Variants in XPA observed in about 807,000 individuals in gnomAD.
XPA encodes DNA repair protein complementing XP-A cells.
XPA carries 27 observed loss-of-function variants against 35.7 expected under a neutral mutation model. The observed-to-expected ratio is 0.76, with a 90% CI of 0.56 to 1.04. XPA has a LOEUF of 1.04. XPA is among the 50% of genes least tolerant of loss of function. XPA has a pLI of 0.00. For synonymous variants in XPA, 133 were observed against 118.4 expected, an observed-to-expected ratio of 1.12 and a Z score of -0.80; for missense variants, 354 against 342.7, an observed-to-expected ratio of 1.03 and a Z score of -0.26.
chr9:97,693,424 A>G (rs1828950707), intron 2 of XPA, among the ~76,000 whole-genome samples: 1 of 152,202 alleles, frequency 6.6e-6, no homozygotes, highest in Admixed American at 6.5e-5. Flanking sequence ...AGCAACCCCT[A>G]AGTACATCAG....
the XPA span, among the ~76,000 whole-genome samples, chr9:97,659,280 G>A: frequency 5.9e-5 from 9 of 152,148 alleles, no homozygotes; most frequent in African/African-American, 2.2e-4. Context: ...TTGATCACTG[G>A]TAGAGTTAGG....
Position 97,675,328 on chromosome 9 carries a change from T to C in XPA, c.*111A>G, listed in dbSNP as rs747368235. The stretch of plus-strand genomic sequence containing the variant: ...ACTGAAGTATTACTTATACAAGGGT[T>C]TCATTCATCTATGAAGATGTTGCTT... On this transcript the variant is annotated 3_prime_UTR_variant, in exon 6 of 6. Transcript: ENST00000375128. 3 of 1,171,440 alleles carry C rather than the reference T, an allele frequency of 2.6e-6. No individual in the cohort carries two copies. Among genetic ancestry groups the C allele is most frequent in the African/African-American group, 1.6e-5 (1 of 63,960 alleles). The allele number at this position is 1,171,440 out of a possible 1,614,324, so 72.6% of individuals were successfully genotyped here. A position where few individuals can be genotyped will look rare whatever the true frequency, so the allele number is the denominator to read the frequency against.
Position 97,685,828 on chromosome 9 carries a change from A to T in XPA, c.556-788T>A, listed in dbSNP as rs551643193. Among the ~76,000 whole-genome samples, 39 of 152,196 alleles carry T rather than the reference A, an allele frequency of 2.6e-4. 1 individual carries two copies. Among genetic ancestry groups the T allele is most frequent in the Admixed American group, 2.5e-3 (38 of 15,278 alleles). ...ACTTAATGGTACTTTAACAACTGTG[A>T]GTCAAAAAGTGGTGCAGAAGAATTG... On this transcript the variant is annotated intron_variant, in intron 4 of 5. Transcript: ENST00000375128.
At chr9:97,692,334 ATTGT>A (rs1402386026) in intron 2 of XPA, among the ~76,000 whole-genome samples, 1 of 152,128 alleles carries the variant, frequency 6.6e-6, no homozygotes, top group Admixed American at 6.5e-5. Context: ...TATGTCATTA[ATTGT>A]TTGTTTCAAA....
In XPA at chr9:97,675,351, CTTTT is replaced by C. The variant is rs750807332; in HGVS notation, c.*84_*87del. On this transcript the variant is annotated 3_prime_UTR_variant, in exon 6 of 6. Transcript: ENST00000375128. ...GTTTCATTCATCTATGAAGATGTTGCTTTTTTTTTTGAATTTTGAAAAGGACCAA... is the reference window on the plus strand; with the variant it reads ...GTTTCATTCATCTATGAAGATGTTGCTTTTTTGAATTTTGAAAAGGACCAA... 5 of 1,109,064 alleles carry C rather than the reference CTTTT, an allele frequency of 4.5e-6. No individual in the cohort carries two copies. In the Admixed American group the frequency reaches 1.5e-4, roughly 33 times the overall value. 68.7% of individuals were successfully genotyped at this position (1,109,064 alleles called of 1,614,324 possible). A position where few individuals can be genotyped will look rare whatever the true frequency, so the allele number is the denominator to read the frequency against.
intron 5 of XPA, chr9:97,676,098 T>A (rs895662347): frequency 6.3e-6 from 1 of 158,134 alleles, no homozygotes; most frequent in Non-Finnish European, 1.4e-5. Flanking sequence ...TTAGAAAAAG[T>A]GCTTGTGCAA....
the XPA span, chr9:97,656,159 G>A: frequency 2.5e-6 from 3 of 1,198,646 alleles, no homozygotes; most frequent in African/African-American, 3.0e-5. Context: ...TGTGATGTGT[G>A]TTCAGAATAT....
chr9:97,665,506 C>A, the XPA span, among the ~76,000 whole-genome samples: 2 of 152,152 alleles, frequency 1.3e-5, no homozygotes. Context: ...CTCAACAGCT[C>A]CATCTGTTCT....
In XPA at chr9:97,685,060, T is replaced by A. The variant is rs748268470; in HGVS notation, c.556-20A>T. The A allele has an allele frequency of 6.2e-7, 1 of 1,601,352 alleles. No homozygotes were observed. The highest frequency in any genetic ancestry group is 1.1e-5 in the South Asian group (1 of 90,702). ...CACAATCTACAACACAAAATCCATA[T>A]TTAAATAAGTTGTGATTCAGACTTG... On this transcript the variant is annotated intron_variant, in intron 4 of 5. Transcript: ENST00000375128.
At chr9:97,683,755 C>T (rs1281642674) in intron 5 of XPA, among the ~76,000 whole-genome samples, 3 of 152,138 alleles carry the variant, frequency 2.0e-5, no homozygotes, top group Non-Finnish European at 4.4e-5. Context: ...AACAAATCCT[C>T]ACAATGAGAA....
intron 2 of XPA, among the ~76,000 whole-genome samples, chr9:97,692,105 A>G (rs1013458438): frequency 6.6e-6 from 1 of 151,664 alleles, no homozygotes; most frequent in African/African-American, 2.4e-5. Context: ...CCAGCTGACC[A>G]ACATGGAGAA....
the XPA span, among the ~76,000 whole-genome samples, chr9:97,657,902 C>T: frequency 1.4e-5 from 1 of 69,482 alleles, no homozygotes; most frequent in African/African-American, 6.5e-5. Flanking sequence ...CTCTCTCTCT[C>T]TCTCTATATA....
the XPA span, chr9:97,664,371 G>A: frequency 2.5e-6 from 4 of 1,612,350 alleles, no homozygotes; most frequent in Admixed American, 1.7e-5. Context: ...AAGATGATTC[G>A]TACACAAATA....
In XPA at chr9:97,687,094, A is replaced by T. The variant is rs1554701478; in HGVS notation, c.555+2T>A. On this transcript the variant is annotated splice_donor_variant, in intron 4 of 5. Coordinates refer to ENST00000375128, the MANE Select transcript of XPA (RefSeq NM_000380.4). LOFTEE classifies it high-confidence loss of function. ...AAATAATAAATACAACTTATTAGAG[A>T]CCTGTAACTTTAAGTAGAGTTTCAT... 4 of 1,607,836 alleles carry T rather than the reference A, an allele frequency of 2.5e-6. No homozygotes were observed. The highest frequency in any genetic ancestry group is 3.4e-6 in the Non-Finnish European group (4 of 1,178,184).
At chr9:97,669,305 T>A in the XPA span, among the ~76,000 whole-genome samples, 7 of 152,206 alleles carry the variant, frequency 4.6e-5, no homozygotes, top group African/African-American at 1.7e-4. Context: ...CATAGATTCC[T>A]GTTAAAATTT....
intron 5 of XPA, among the ~76,000 whole-genome samples, chr9:97,680,197 TAGA>T (rs1457259165): frequency 6.6e-6 from 1 of 152,202 alleles, no homozygotes; most frequent in Non-Finnish European, 1.5e-5. Context: ...TTTAGCTATG[TAGA>T]AGAACACCAT....
At chr9:97,688,987 A>T (rs1828802054) in intron 3 of XPA, among the ~76,000 whole-genome samples, 1 of 152,228 alleles carries the variant, frequency 6.6e-6, no homozygotes, top group Admixed American at 6.5e-5. Context: ...AACCACGTGA[A>T]GTGAGAAAGG....
In XPA at chr9:97,674,922, A is replaced by G. The variant is rs1196081414; in HGVS notation, c.*517T>C. The G allele has an allele frequency of 2.0e-6, 1 of 511,112 alleles. No homozygotes were observed. Among genetic ancestry groups the G allele is most frequent in the Non-Finnish European group, 3.8e-6 (1 of 261,592 alleles). 31.7% of individuals were successfully genotyped at this position (511,112 alleles called of 1,614,324 possible). ...CAGAAAACATGATCAGACTCGTACAACTCAATGTTTATTTCTGCTATTAGG... is the reference window on the plus strand; with the variant it reads ...CAGAAAACATGATCAGACTCGTACAGCTCAATGTTTATTTCTGCTATTAGG... On this transcript the variant is annotated 3_prime_UTR_variant, in exon 6 of 6. Transcript: ENST00000375128.
At chr9:97,683,533 T>C (rs1828610635) in intron 5 of XPA, among the ~76,000 whole-genome samples, 1 of 152,178 alleles carries the variant, frequency 6.6e-6, no homozygotes. Context: ...ATAAGGATGT[T>C]GATCATGGAG....
Sources: allele counts gnomAD v4.1 joint callset (sites outside exome capture counted in the v4.1 genomes callset), GRCh38; gene constraint gnomAD v4.1.1; transcripts MANE v1.5; gene names NCBI Gene and HGNC (gene_info 2026-07-23, HGNC 2026-07-21).